DOCK3: variants seen among roughly 807,000 people sequenced by gnomAD.
DOCK3 encodes the protein dedicator of cytokinesis 3, also known as dedicator of cytokinesis protein 3.
Under a neutral mutation model 265.6 loss-of-function variants are expected in DOCK3, and 60 were observed. The observed-to-expected ratio is 0.23, with a 90% CI of 0.18 to 0.28. DOCK3 has a LOEUF of 0.28. DOCK3 is among the 10% of genes least tolerant of loss of function. The probability of loss-of-function intolerance (pLI) is 1.00; values close to 1 mark genes in which losing one functional copy is unlikely to be tolerated. For synonymous variants in DOCK3, 881 were observed against 938.0 expected (o/e 0.94, Z 1.11); for missense variants, 1,981 against 2,594.3 (o/e 0.76, Z 5.14).
chr3:51,202,002 C>A (rs2108021137), intron 12 of DOCK3, among the ~76,000 whole-genome samples: 1 of 152,302 alleles, frequency 6.6e-6, no homozygotes, highest in South Asian at 2.1e-4. Context: ...ATACCAGAAT[C>A]TCTGGGACAC....
At chr3:51,369,922 C>CA (rs1354939602) in intron 49 of DOCK3, among the ~76,000 whole-genome samples, 2 of 152,218 alleles carry the variant, frequency 1.3e-5, no homozygotes, top group African/African-American at 4.8e-5. Flanking sequence ...CACCAGCCCT[C>CA]ACTCTCATGC....
intron 27 of DOCK3, among the ~76,000 whole-genome samples, chr3:51,283,665 C>T (rs1396156441): frequency 3.3e-5 from 5 of 152,098 alleles, no homozygotes; most frequent in Admixed American, 3.3e-4. Flanking sequence ...GCCTCCTCCC[C>T]CAGCTCACCC....
At chr3:51,044,577 TAA>T (rs200715535) in intron 5 of DOCK3, among the ~76,000 whole-genome samples, 43 of 139,266 alleles carry the variant, frequency 3.1e-4, no homozygotes, top group Admixed American at 9.1e-4. Context: ...TCACTGAACT[TAA>T]AAAAAAAAAA....
intron 7 of DOCK3, among the ~76,000 whole-genome samples, chr3:51,084,277 G>A (rs112991105): frequency 6.6e-6 from 1 of 151,684 alleles, no homozygotes. Flanking sequence ...GATTTTAAAG[G>A]TATATATATA....
At chr3:50,859,567 T>G (rs1483572391) in intron 3 of DOCK3, among the ~76,000 whole-genome samples, 3 of 152,096 alleles carry the variant, frequency 2.0e-5, no homozygotes, top group African/African-American at 7.2e-5. Context: ...GTTCTTACAT[T>G]GATTTTTTCT....
At chr3:51,205,126 C>T (rs2089103272) in intron 12 of DOCK3, among the ~76,000 whole-genome samples, 1 of 151,680 alleles carries the variant, frequency 6.6e-6, no homozygotes, top group Non-Finnish European at 1.5e-5. Flanking sequence ...TGTAACTTAC[C>T]TGCACATTGT....
chr3:50,790,259 T>A (rs2042398323), intron 2 of DOCK3, among the ~76,000 whole-genome samples: 1 of 152,196 alleles, frequency 6.6e-6, no homozygotes, highest in Admixed American at 6.5e-5. Flanking sequence ...TTATCTGTTC[T>A]GCCATTCTGT....
At chr3:51,234,744 T>G (rs1415319886) in intron 19 of DOCK3, among the ~76,000 whole-genome samples, 1 of 152,166 alleles carries the variant, frequency 6.6e-6, no homozygotes, top group Non-Finnish European at 1.5e-5. Context: ...AGTACCTTTG[T>G]GACATTTCCT....
At chr3:50,791,881 C>T (rs1173297881) in intron 2 of DOCK3, among the ~76,000 whole-genome samples, 1 of 151,534 alleles carries the variant, frequency 6.6e-6, no homozygotes, top group Admixed American at 6.6e-5. Context: ...CAGCTTTGTT[C>T]TTTTTGCTTA....
chr3:50,936,364 A>T (rs1288602247), intron 5 of DOCK3, among the ~76,000 whole-genome samples: 7 of 151,454 alleles, frequency 4.6e-5, no homozygotes, highest in Non-Finnish European at 1.5e-5. Context: ...AGAGGACAGG[A>T]TGTGGAGCCA....
At chr3:51,210,236 C>T in intron 13 of DOCK3, among the ~76,000 whole-genome samples, 1 of 152,128 alleles carries the variant, frequency 6.6e-6, no homozygotes, top group Non-Finnish European at 1.5e-5. Flanking sequence ...TTGTCTTGCT[C>T]CCCAGAGCGA....
intron 5 of DOCK3, among the ~76,000 whole-genome samples, chr3:51,043,974 G>A (rs540410613): frequency 6.6e-6 from 1 of 152,124 alleles, no homozygotes; most frequent in African/African-American, 2.4e-5. Flanking sequence ...ATACACTGTT[G>A]TTGGGAGTGT....
chr3:51,323,884 A>G (rs1375618173), intron 32 of DOCK3, among the ~76,000 whole-genome samples: 1 of 152,198 alleles, frequency 6.6e-6, no homozygotes, highest in Non-Finnish European at 1.5e-5. Context: ...TCAAGAAATC[A>G]ATGAATCCAG....
chr3:51,378,034 AGG>A (rs2088280959), intron 51 of DOCK3, among the ~76,000 whole-genome samples: 1 of 152,200 alleles, frequency 6.6e-6, no homozygotes, highest in Admixed American at 6.5e-5. Context: ...TGCATCTTGT[AGG>A]GAGCATGGGT....
chr3:51,172,777 C>G (rs569532190), intron 12 of DOCK3, among the ~76,000 whole-genome samples: 15 of 152,188 alleles, frequency 9.9e-5, no homozygotes, highest in African/African-American at 3.4e-4. Flanking sequence ...GGTATACTTT[C>G]ATTTTCATTT....
chr3:51,161,214 G>T (rs973151752), intron 12 of DOCK3, among the ~76,000 whole-genome samples: 1 of 152,154 alleles, frequency 6.6e-6, no homozygotes, highest in African/African-American at 2.4e-5. Context: ...GGAGGCCAAG[G>T]CAGGCGGATC....
At chr3:50,948,872 A>T (rs1374612416) in intron 5 of DOCK3, among the ~76,000 whole-genome samples, 2 of 152,240 alleles carry the variant, frequency 1.3e-5, no homozygotes, top group African/African-American at 4.8e-5. Flanking sequence ...TGTGATTTCA[A>T]GACTATAAAA....
At chr3:50,957,054 C>T (rs914157445) in intron 5 of DOCK3, among the ~76,000 whole-genome samples, 6 of 152,084 alleles carry the variant, frequency 3.9e-5, no homozygotes, top group Non-Finnish European at 5.9e-5. Context: ...CGTGAGCCAC[C>T]GTGCCCAGCC....
chr3:50,889,137 T>G (rs1354477846), intron 3 of DOCK3, among the ~76,000 whole-genome samples: 1 of 150,688 alleles, frequency 6.6e-6, no homozygotes, highest in Non-Finnish European at 1.5e-5. Context: ...TGCTCTGTCA[T>G]ATAGGCTGGA....
Sources: allele counts gnomAD v4.1 joint callset (sites outside exome capture counted in the v4.1 genomes callset), GRCh38; gene constraint gnomAD v4.1.1; transcripts MANE v1.5; gene names NCBI Gene and HGNC (gene_info 2026-07-23, HGNC 2026-07-21).